The following MGAT4C variants were observed in gnomAD, a reference collection of about 807,000 sequenced individuals.
MGAT4C encodes alpha-1,3-mannosyl-glycoprotein 4-beta-N-acetylglucosaminyltransferase C.
A neutral mutation model predicts 40.1 loss-of-function variants in MGAT4C; 19 were observed. That is an observed-to-expected ratio of 0.47 (90% CI 0.33 to 0.70). MGAT4C has a LOEUF of 0.70. Among genes scored for constraint, MGAT4C ranks in the 30% least tolerant of loss-of-function variants. The pLI is 0.02. For synonymous variants in MGAT4C, 181 were observed against 187.1 expected (o/e 0.97, Z 0.27); for missense variants, 491 against 563.2 (o/e 0.87, Z 1.30).
At chr12:86,773,178 G>A (rs1311532028) in intron 1 of MGAT4C, among the ~76,000 whole-genome samples, 1 of 152,122 alleles carries the variant, frequency 6.6e-6, no homozygotes, top group African/African-American at 2.4e-5. Flanking sequence ...GTTACTTGGG[G>A]TAGGTCTTAA....
At chr12:86,541,370 T>C (rs576324991) in intron 2 of MGAT4C, among the ~76,000 whole-genome samples, 69 of 152,184 alleles carry the variant, frequency 4.5e-4, no homozygotes, top group Non-Finnish European at 6.0e-4. Context: ...CTACGATCTG[T>C]TGAAAATCTA....
At chr12:86,367,072 T>G (rs879024830) in intron 3 of MGAT4C, among the ~76,000 whole-genome samples, 1 of 152,072 alleles carries the variant, frequency 6.6e-6, no homozygotes, top group Non-Finnish European at 1.5e-5. Flanking sequence ...ACCTTGGTTA[T>G]AGAGTAACTG....
In MGAT4C at chr12:85,989,571, G is replaced by A. The variant is rs201966927; in HGVS notation, c.-6-19C>T. On this transcript the variant is annotated intron_variant, in intron 2 of 4. Transcript: ENST00000611864. ...TTCTCTTCTGTGGAAAAGAGACACAGAATTACTAGCAGTTGGTTTTGGATG... is the reference window on the plus strand; with the variant it reads ...TTCTCTTCTGTGGAAAAGAGACACAAAATTACTAGCAGTTGGTTTTGGATG... 5.2e-5 allele frequency: 81 copies of A among 1,562,186 alleles called. No homozygotes were observed. The highest frequency in any genetic ancestry group is 6.9e-5 in the Non-Finnish European group (80 of 1,154,514).
intron 2 of MGAT4C, among the ~76,000 whole-genome samples, chr12:86,492,316 C>T (rs1298479018): frequency 1.3e-5 from 2 of 152,192 alleles, no homozygotes; most frequent in African/African-American, 4.8e-5. Flanking sequence ...CATATGGAAC[C>T]AAAAACGAGC....
At chr12:86,517,396 A>T (rs1321074001) in intron 2 of MGAT4C, among the ~76,000 whole-genome samples, 2 of 152,182 alleles carry the variant, frequency 1.3e-5, no homozygotes, top group East Asian at 3.8e-4. Context: ...TAAAACTTTC[A>T]GAAAAAAATA....
chr12:86,709,487 A>T (rs1301042006), intron 2 of MGAT4C, among the ~76,000 whole-genome samples: 1 of 152,200 alleles, frequency 6.6e-6, no homozygotes, highest in East Asian at 1.9e-4. Context: ...ATTAGAAAAA[A>T]ATCTTGAAAT....
intron 2 of MGAT4C, among the ~76,000 whole-genome samples, chr12:86,582,164 T>A (rs190998776): frequency 1.4e-4 from 21 of 151,564 alleles, no homozygotes; most frequent in African/African-American, 5.1e-4. Context: ...TACAAGATGA[T>A]CATGTATATA....
intron 1 of MGAT4C, among the ~76,000 whole-genome samples, chr12:86,073,740 C>T (rs970727019): frequency 6.6e-6 from 1 of 152,088 alleles, no homozygotes; most frequent in Non-Finnish European, 1.5e-5. Flanking sequence ...ATACCCATAC[C>T]CCCCATTGTA....
chr12:86,594,983 C>A (rs1961476783), intron 2 of MGAT4C, among the ~76,000 whole-genome samples: 1 of 152,152 alleles, frequency 6.6e-6, no homozygotes, highest in Non-Finnish European at 1.5e-5. Context: ...ACACGGTCCT[C>A]AGAGCCCCGT....
rs1246684259 is a variant in MGAT4C, at chr12:86,778,756, C to A, written c.-261-51515G>T. On this transcript the variant is annotated intron_variant, in intron 1 of 7. Coordinates refer to the MGAT4C transcript ENST00000548651. ...TCCCCTGCATAGAATGCAGTGAATT[C>A]TATTACTTACAGAGACTTACATTAG... 2.6e-5 allele frequency among the ~76,000 whole-genome samples: 4 copies of A among 152,174 alleles called. No individual in the cohort carries two copies. The East Asian group carries it at 7.7e-4, about 29-fold the overall frequency.
chr12:86,705,976 G>T (rs1463152998), intron 2 of MGAT4C, among the ~76,000 whole-genome samples: 1 of 152,114 alleles, frequency 6.6e-6, no homozygotes, highest in Non-Finnish European at 1.5e-5. Flanking sequence ...AGAATAAATG[G>T]ATATAAGTAG....
intron 1 of MGAT4C, among the ~76,000 whole-genome samples, chr12:86,175,830 G>T (rs1024216572): frequency 6.6e-6 from 1 of 151,264 alleles, no homozygotes; most frequent in African/African-American, 2.4e-5. Flanking sequence ...AATTAGCCTG[G>T]CGTGGTGGCG....
intron 1 of MGAT4C, among the ~76,000 whole-genome samples, chr12:86,199,509 C>T (rs1380932839): frequency 1.3e-5 from 2 of 151,896 alleles, no homozygotes; most frequent in Non-Finnish European, 1.5e-5. Flanking sequence ...CAATAATAAG[C>T]ATATATTAAT....
At chr12:86,450,086 T>C (rs140795992) in intron 2 of MGAT4C, among the ~76,000 whole-genome samples, 6 of 152,248 alleles carry the variant, frequency 3.9e-5, no homozygotes, top group African/African-American at 1.4e-4. Flanking sequence ...TTTGCCCTAT[T>C]TATACTGTGA....
At chr12:86,486,881 T>C (rs1031898063) in intron 2 of MGAT4C, among the ~76,000 whole-genome samples, 1 of 152,074 alleles carries the variant, frequency 6.6e-6, no homozygotes, top group Non-Finnish European at 1.5e-5. Context: ...ACATTGGGAG[T>C]CTTTGCCTAG....
chr12:86,819,977 T>C (rs1424914926), intron 1 of MGAT4C, among the ~76,000 whole-genome samples: 1 of 150,778 alleles, frequency 6.6e-6, no homozygotes, highest in African/African-American at 2.4e-5. Flanking sequence ...CATGATCCTT[T>C]GTTGTGAAGA....
At chr12:86,310,806 C>T (rs1193172633) in intron 4 of MGAT4C, among the ~76,000 whole-genome samples, 1 of 152,100 alleles carries the variant, frequency 6.6e-6, no homozygotes, top group Non-Finnish European at 1.5e-5. Context: ...CACCTGTAAT[C>T]CCAGCTACTC....
chr12:86,018,179 C>T (rs1889282845), intron 2 of MGAT4C, among the ~76,000 whole-genome samples: 1 of 152,012 alleles, frequency 6.6e-6, no homozygotes, highest in Non-Finnish European at 1.5e-5. Flanking sequence ...TATTCTGTGG[C>T]CCTAAGTAGA....
chr12:86,221,390 C>T (rs1461802989), intron 1 of MGAT4C, among the ~76,000 whole-genome samples: 1 of 152,114 alleles, frequency 6.6e-6, no homozygotes, highest in African/African-American at 2.4e-5. Context: ...TATAAAGAAT[C>T]ATTCTTTATG....
Sources: allele counts gnomAD v4.1 joint callset (sites outside exome capture counted in the v4.1 genomes callset), GRCh38; gene constraint gnomAD v4.1.1; transcripts MANE v1.5; gene names NCBI Gene and HGNC (gene_info 2026-07-23, HGNC 2026-07-21).